RICTOR: variants seen among roughly 807,000 people sequenced by gnomAD.
RICTOR encodes RPTOR independent companion of MTOR complex 2.
A neutral mutation model predicts 214.9 loss-of-function variants in RICTOR; 49 were observed. That is an observed-to-expected ratio of 0.23 (90% CI 0.18 to 0.29). The LOEUF (loss-of-function observed/expected upper bound fraction) is 0.29. Among genes scored for constraint, RICTOR ranks in the 10% least tolerant of loss-of-function variants. The pLI is 1.00. For synonymous variants in RICTOR, 717 were observed against 711.3 expected (o/e 1.01, Z -0.13); for missense variants, 1,625 against 2,047.0 (o/e 0.79, Z 3.98).
intron 2 of RICTOR, among the ~76,000 whole-genome samples, chr5:39,053,441 C>T (rs1045414612): frequency 3.9e-5 from 6 of 152,166 alleles, no homozygotes; most frequent in Non-Finnish European, 7.3e-5. Flanking sequence ...ACCACAACGG[C>T]TCATGTATCT....
At chr5:38,965,276 A>C (rs1344223630) in intron 15 of RICTOR, among the ~76,000 whole-genome samples, 1 of 152,004 alleles carries the variant, frequency 6.6e-6, no homozygotes, top group Non-Finnish European at 1.5e-5. Flanking sequence ...GCCATATCCA[A>C]ATTTATGAGT....
intron 31 of RICTOR, chr5:38,949,449 T>A: frequency 6.4e-7 from 1 of 1,565,154 alleles, no homozygotes; most frequent in Admixed American, 1.9e-5. Context: ...GAGAAATAAA[T>A]AAAAAAAAGC....
chr5:39,015,588 C>T lies in RICTOR; in HGVS notation c.195+5451G>A, dbSNP rs140869825. 4.5e-3 allele frequency among the ~76,000 whole-genome samples: 688 copies of T among 151,654 alleles called. 2 individuals carry two copies. Among genetic ancestry groups the T allele is most frequent in the Non-Finnish European group, 6.9e-3 (469 of 67,922 alleles). ...TAGAGGCCGGGGCAGTGCTGAACAC[C>T]CTAAAATACACACAGCAGCTTCTCA... On this transcript the variant is annotated intron_variant, in intron 3 of 37. Transcript: ENST00000357387.
At chr5:38,956,258 C>T (rs1475188679) in intron 25 of RICTOR, among the ~76,000 whole-genome samples, 1 of 152,082 alleles carries the variant, frequency 6.6e-6, no homozygotes, top group Admixed American at 6.6e-5. Flanking sequence ...CAAAATTCCT[C>T]CTCTTCACTG....
chr5:39,025,442 T>C (rs1755739732), intron 2 of RICTOR, among the ~76,000 whole-genome samples: 1 of 152,276 alleles, frequency 6.6e-6, no homozygotes, highest in Non-Finnish European at 1.5e-5. Flanking sequence ...AAGTCTCCAA[T>C]GCAGCTATGC....
chr5:39,037,780 T>A (rs1413475765), intron 2 of RICTOR, among the ~76,000 whole-genome samples: 1 of 152,144 alleles, frequency 6.6e-6, no homozygotes, highest in Non-Finnish European at 1.5e-5. Flanking sequence ...AGAAGTTGAA[T>A]CCCTGAATAC....
At chr5:38,991,979 T>C (rs958995880) in intron 6 of RICTOR, among the ~76,000 whole-genome samples, 1 of 152,056 alleles carries the variant, frequency 6.6e-6, no homozygotes, top group African/African-American at 2.4e-5. Flanking sequence ...GTTGATAAAA[T>C]AAAACTTGTG....
chr5:38,965,267 C>T (rs905246453), intron 15 of RICTOR, among the ~76,000 whole-genome samples: 4 of 151,900 alleles, frequency 2.6e-5, no homozygotes, highest in African/African-American at 4.8e-5. Flanking sequence ...ATGCTAGATG[C>T]CATATCCAAA....
intron 17 of RICTOR, 123 bp from the exon 18 acceptor site, chr5:38,962,709 A>G: frequency 1.2e-6 from 1 of 805,988 alleles, no homozygotes; most frequent in Non-Finnish European, 1.9e-6. Context: ...AGGTTTTTTA[A>G]CTTTAAAGTT....
chr5:39,070,647 T>C (rs1379166401), intron 2 of RICTOR, among the ~76,000 whole-genome samples: 1 of 152,186 alleles, frequency 6.6e-6, no homozygotes, highest in African/African-American at 2.4e-5. Context: ...AATTATATTC[T>C]AATAATTATA....
Position 38,944,899 on chromosome 5 carries a change from A to C in RICTOR, c.4789+14T>G, listed in dbSNP as rs1266773177. ...TTTTACTAATAATGATTGGATTTGA[A>C]TCTGAAGACTCACCTAGTAACAATT... On this transcript the variant is annotated intron_variant, in intron 35 of 37. Transcript: ENST00000357387. 1 of 1,611,156 alleles carries C rather than the reference A, an allele frequency of 6.2e-7. No homozygotes were observed. Among genetic ancestry groups the C allele is most frequent in the Non-Finnish European group, 8.5e-7 (1 of 1,177,532 alleles).
Position 38,953,526 on chromosome 5 carries a change from C to A in RICTOR, c.2725G>T (p.Val909Phe). 6.9e-7 allele frequency: 1 copy of A among 1,453,996 alleles called. No homozygotes were observed. Among genetic ancestry groups the A allele is most frequent in the Non-Finnish European group, 9.2e-7 (1 of 1,086,580 alleles). The allele number at this position is 1,453,996 out of a possible 1,614,324, so 90.1% of individuals were successfully genotyped here. ...CACTTATCCAAATCTGGTGTACGAA[C>A]ATTACGACAGAGTTCTGTAATAATA... ...QNIITELCRN[V>F]RTPDLDKWEE... The change falls in exon 28 of 38, where the codon GTT becomes TTT. Residue 909 changes from valine (V) to phenylalanine (F), a missense_variant. This residue lies in a region of RICTOR where 1,214 missense variants were observed against 1,470.5 expected (regional missense o/e 0.83). Coordinates refer to ENST00000357387, the MANE Select transcript of RICTOR (RefSeq NM_152756.5).
At chr5:39,073,726 T>G (rs1759497944) in intron 2 of RICTOR, among the ~76,000 whole-genome samples, 1 of 152,124 alleles carries the variant, frequency 6.6e-6, no homozygotes, top group African/African-American at 2.4e-5. Flanking sequence ...AACATCCTCC[T>G]GCAACCTAAA....
chr5:38,988,410 CTCT>C (rs1403280939), intron 7 of RICTOR, among the ~76,000 whole-genome samples: 28 of 152,152 alleles, frequency 1.8e-4, no homozygotes, highest in African/African-American at 6.5e-4. Flanking sequence ...GGATAGTTAG[CTCT>C]TCTTGTTGTT....
intron 5 of RICTOR, among the ~76,000 whole-genome samples, chr5:39,001,652 G>T (rs1405751192): frequency 6.6e-6 from 1 of 152,006 alleles, no homozygotes; most frequent in Admixed American, 6.6e-5. Flanking sequence ...TATCTGTAAA[G>T]ACTCATATCC....
Position 39,056,335 on chromosome 5 carries a change from G to A in RICTOR, c.97+17776C>T, listed in dbSNP as rs551046879. Among the ~76,000 whole-genome samples, 20 of 152,258 alleles carry A rather than the reference G, an allele frequency of 1.3e-4. No homozygotes were observed. In the South Asian group the frequency reaches 3.7e-3, roughly 28 times the overall value. On this transcript the variant is annotated intron_variant, in intron 2 of 37. Transcript: ENST00000357387. ...TAATATCAGTAGTGACAAGGGCTATGAAAGAAAAAGCAATAATGCCAGGCA... is the reference window on the plus strand; with the variant it reads ...TAATATCAGTAGTGACAAGGGCTATAAAAGAAAAAGCAATAATGCCAGGCA...
In RICTOR at chr5:38,958,662, T is replaced by TTTACCTTGTC; in HGVS notation, c.2338_2343+4dup. The TTTACCTTGTC allele has an allele frequency of 6.3e-7, 1 of 1,591,518 alleles. No homozygotes were observed. The highest frequency in any genetic ancestry group is 8.5e-7 in the Non-Finnish European group (1 of 1,171,246). On this transcript the variant is annotated splice_donor_region_variant and intron_variant, in intron 23 of 37. Coordinates refer to ENST00000357387, the MANE Select transcript of RICTOR (RefSeq NM_152756.5). ...AGTATTAAATTATAAAAAATGAACC[T>TTTACCTTGTC]TTACCTTGTCTTCACATGCTTCATC...
chr5:38,949,026 T>C (rs1748466953), intron 31 of RICTOR, among the ~76,000 whole-genome samples: 1 of 152,082 alleles, frequency 6.6e-6, no homozygotes, highest in Non-Finnish European at 1.5e-5. Flanking sequence ...CTTAAATAAA[T>C]GTAAATGAAT....
At chr5:39,059,299 T>C (rs1186092606) in intron 2 of RICTOR, among the ~76,000 whole-genome samples, 2 of 152,104 alleles carry the variant, frequency 1.3e-5, no homozygotes, top group Non-Finnish European at 2.9e-5. Flanking sequence ...TTTTATAAAG[T>C]TCAAAAACCG....
Sources: gnomAD v4.1 joint callset for allele counts (sites outside exome capture counted in the v4.1 genomes callset) on GRCh38, gnomAD v4.1.1 for gene constraint, gnomAD v4.1.1 regional missense constraint, MANE v1.5 for transcripts, NCBI Gene and HGNC (gene_info 2026-07-23, HGNC 2026-07-21) for gene names.